The following NIBAN1 variants were observed in gnomAD, a reference collection of about 807,000 sequenced individuals.
The protein encoded by NIBAN1 is protein Niban 1.
In NIBAN1, 81 loss-of-function variants were observed where a neutral mutation model predicts 75.1. That is an observed-to-expected ratio of 1.08 (90% CI 0.90 to 1.30). NIBAN1 has a LOEUF of 1.30. NIBAN1 is among the 50% of genes most tolerant of loss of function. The probability of loss-of-function intolerance (pLI) is 0.00; values close to 1 mark genes in which losing one functional copy is unlikely to be tolerated. For synonymous variants in NIBAN1, 436 were observed against 424.8 expected, an observed-to-expected ratio of 1.03 and a Z score of -0.32; for missense variants, 1,133 against 1,128.1, an observed-to-expected ratio of 1.00 and a Z score of -0.06.
intron 1 of NIBAN1, among the ~76,000 whole-genome samples, chr1:184,899,724 C>A (rs2101989072): frequency 6.6e-6 from 1 of 151,864 alleles, no homozygotes; most frequent in South Asian, 2.1e-4. Context: ...GTTCTTTATT[C>A]TCCTCGACCT....
chr1:184,953,859 AG>A (rs1658419813), intron 1 of NIBAN1, among the ~76,000 whole-genome samples: 1 of 152,274 alleles, frequency 6.6e-6, no homozygotes, highest in Non-Finnish European at 1.5e-5. Context: ...TTAACATTCC[AG>A]AAATCACTGA....
intron 5 of NIBAN1, among the ~76,000 whole-genome samples, chr1:184,872,266 A>T (rs901947814): frequency 7.9e-5 from 12 of 152,134 alleles, no homozygotes; most frequent in Admixed American, 2.6e-4. Flanking sequence ...AATGAAAAAT[A>T]AAAAAATTAA....
intron 1 of NIBAN1, among the ~76,000 whole-genome samples, chr1:184,934,436 C>T (rs909749687): frequency 2.6e-5 from 4 of 152,186 alleles, no homozygotes; most frequent in African/African-American, 9.7e-5. Flanking sequence ...TACCATGTAA[C>T]AAACCTGCAC....
chr1:184,883,477 A>G (rs1197953595), intron 5 of NIBAN1, among the ~76,000 whole-genome samples: 2 of 152,226 alleles, frequency 1.3e-5, no homozygotes, highest in African/African-American at 4.8e-5. Context: ...AAGTGCCAAG[A>G]ACAAAGAGCG....
At chr1:184,881,183 C>G (rs1335628619) in intron 5 of NIBAN1, among the ~76,000 whole-genome samples, 1 of 152,130 alleles carries the variant, frequency 6.6e-6, no homozygotes, top group East Asian at 1.9e-4. Context: ...AGGCTGCTCT[C>G]TCTTTTGAAG....
intron 1 of NIBAN1, among the ~76,000 whole-genome samples, chr1:184,900,733 AACCCTTAC>A (rs1430598553): frequency 2.0e-5 from 3 of 152,174 alleles, no homozygotes; most frequent in African/African-American, 7.2e-5. Flanking sequence ...GCAGATTAGA[AACCCTTAC>A]AACATTTCAA....
intron 10 of NIBAN1, among the ~76,000 whole-genome samples, chr1:184,806,368 C>T (rs977133837): frequency 6.6e-6 from 1 of 152,146 alleles, no homozygotes; most frequent in Non-Finnish European, 1.5e-5. Context: ...GAGGCTGGAG[C>T]CTTCTTCAAC....
chr1:184,903,918 C>T (rs1657020683), intron 1 of NIBAN1, among the ~76,000 whole-genome samples: 1 of 149,928 alleles, frequency 6.7e-6, no homozygotes, highest in Admixed American at 6.7e-5. Flanking sequence ...TTTTTTTAGA[C>T]ACAGTTTCAC....
In NIBAN1 at chr1:184,791,274, C is replaced by T; in HGVS notation, c.*3703G>A. The stretch of plus-strand genomic sequence containing the variant: ...GATACTATTATTAAGTCAATGATGT[C>T]CTTCCCTTCTTCACATCAAAATTGC... On this transcript the variant is annotated 3_prime_UTR_variant, in exon 14 of 14. Coordinates refer to ENST00000367511, the MANE Select transcript of NIBAN1 (RefSeq NM_052966.4). 4.4e-6 allele frequency: 1 copy of T among 227,258 alleles called. No homozygotes were observed. Among genetic ancestry groups the T allele is most frequent in the South Asian group, 4.8e-5 (1 of 20,918 alleles). The allele number at this position is 227,258 out of a possible 1,614,324, so 14.1% of individuals were successfully genotyped here.
At position 184,855,529 on chromosome 1, in the gene NIBAN1, C is replaced by T. The variant is rs546120720; in HGVS notation, c.602-23567G>A. Reference sequence around the variant, plus strand: ...TCAGTTCTAGGCTGGGCATAGTTCTCTCTAATTCTGTGCTTCTCTAATACA... The same window carrying T: ...TCAGTTCTAGGCTGGGCATAGTTCTTTCTAATTCTGTGCTTCTCTAATACA... On this transcript the variant is annotated intron_variant, in intron 5 of 13. Transcript: ENST00000367511. Among the ~76,000 whole-genome samples the T allele has an allele frequency of 2.0e-5, 3 of 152,162 alleles. No individual in the cohort carries two copies. In the South Asian group the frequency reaches 6.2e-4, roughly 32 times the overall value.
intron 10 of NIBAN1, chr1:184,807,873 T>G (rs1333711510): frequency 5.1e-6 from 3 of 591,040 alleles, no homozygotes; most frequent in Non-Finnish European, 9.2e-6. Context: ...TTTTCTGAGC[T>G]ATGTCTTGTC....
intron 1 of NIBAN1, among the ~76,000 whole-genome samples, chr1:184,942,825 G>A (rs1658130023): frequency 6.6e-6 from 1 of 151,954 alleles, no homozygotes; most frequent in Non-Finnish European, 1.5e-5. Flanking sequence ...TTGTAACTCT[G>A]CACTGACAAC....
intron 1 of NIBAN1, among the ~76,000 whole-genome samples, chr1:184,909,972 C>T (rs918177983): frequency 2.0e-5 from 3 of 152,080 alleles, no homozygotes; most frequent in African/African-American, 7.2e-5. Context: ...AAAATAGAGG[C>T]CAAAAACTCC....
At chr1:184,852,394 C>T (rs1426313612) in intron 5 of NIBAN1, among the ~76,000 whole-genome samples, 1 of 152,162 alleles carries the variant, frequency 6.6e-6, no homozygotes, top group African/African-American at 2.4e-5. Flanking sequence ...TCATCTGTGC[C>T]ACACCCAGAT....
At chr1:184,815,153 A>G (rs530897771) in intron 9 of NIBAN1, among the ~76,000 whole-genome samples, 101 of 152,338 alleles carry the variant, frequency 6.6e-4, no homozygotes, top group African/African-American at 2.2e-3. Context: ...GTCATTTTCA[A>G]TGCATGTTTT....
intron 1 of NIBAN1, among the ~76,000 whole-genome samples, chr1:184,940,049 G>A (rs1386501986): frequency 1.3e-5 from 2 of 152,206 alleles, no homozygotes; most frequent in African/African-American, 4.8e-5. Flanking sequence ...ACTTTAGACT[G>A]TTTCTGGGAT....
At chr1:184,830,333 C>T (rs534065828) in intron 6 of NIBAN1, among the ~76,000 whole-genome samples, 48 of 152,352 alleles carry the variant, frequency 3.2e-4, no homozygotes, top group African/African-American at 1.1e-3. Flanking sequence ...CCTTCTGACA[C>T]TTTTGTTTTT....
intron 5 of NIBAN1, among the ~76,000 whole-genome samples, chr1:184,843,899 C>A (rs1315605403): frequency 6.6e-6 from 1 of 152,208 alleles, no homozygotes; most frequent in Non-Finnish European, 1.5e-5. Flanking sequence ...TATCTTTCAG[C>A]TCAGACCACA....
intron 5 of NIBAN1, among the ~76,000 whole-genome samples, chr1:184,862,347 C>T (rs34359898): frequency 1.3e-5 from 2 of 151,790 alleles, no homozygotes; most frequent in Non-Finnish European, 2.9e-5. Flanking sequence ...ACTATGTTGC[C>T]CAGGCTGGAG....
Sources: allele counts gnomAD v4.1 joint callset (sites outside exome capture counted in the v4.1 genomes callset), GRCh38; gene constraint gnomAD v4.1.1; transcripts MANE v1.5; gene names NCBI Gene and HGNC (gene_info 2026-07-23, HGNC 2026-07-21).